The following SMOC1 variants were observed in gnomAD, a reference collection of about 807,000 sequenced individuals.
SMOC1 encodes SPARC related modular calcium binding 1, also known as SPARC-related modular calcium-binding protein 1.
In SMOC1, 22 loss-of-function variants were observed where a neutral mutation model predicts 56.3. The observed-to-expected ratio is 0.39, with a 90% CI of 0.28 to 0.56. The LOEUF (loss-of-function observed/expected upper bound fraction) is 0.56, where lower values mean the gene tolerates loss of function less well. Ranked by LOEUF, SMOC1 falls within the 20% of genes least tolerant of loss-of-function variation. The pLI is 0.61. For missense variants in SMOC1, 509 were observed against 565.4 expected, an observed-to-expected ratio of 0.90 and a Z score of 1.01; for synonymous variants, 193 against 215.0, an observed-to-expected ratio of 0.90 and a Z score of 0.89.
intron 5 of SMOC1, among the ~76,000 whole-genome samples, chr14:69,980,044 C>G (rs1374090233): frequency 6.6e-6 from 1 of 152,120 alleles, no homozygotes; most frequent in East Asian, 1.9e-4. Context: ...ATCCCAGGCT[C>G]TCACTGGTCC....
chr14:69,889,267 C>T (rs1883895934), intron 1 of SMOC1, among the ~76,000 whole-genome samples: 1 of 152,182 alleles, frequency 6.6e-6, no homozygotes, highest in Admixed American at 6.5e-5. Context: ...ATCTCTCCTT[C>T]CTTCCCCATT....
chr14:69,938,885 C>G (rs1217445788), intron 1 of SMOC1, among the ~76,000 whole-genome samples: 1 of 152,202 alleles, frequency 6.6e-6, no homozygotes, highest in Non-Finnish European at 1.5e-5. Context: ...TGGTCCTAGA[C>G]TCTTGAACAA....
At chr14:69,977,297 A>T (rs1883998653) in intron 4 of SMOC1, among the ~76,000 whole-genome samples, 1 of 152,198 alleles carries the variant, frequency 6.6e-6, no homozygotes. Context: ...TGCACAGAGC[A>T]CCCTAGTATA....
chr14:69,898,280 G>T (rs1884148808), intron 1 of SMOC1, among the ~76,000 whole-genome samples: 1 of 151,958 alleles, frequency 6.6e-6, no homozygotes, highest in East Asian at 1.9e-4. Context: ...CAATTACCTG[G>T]CTTAGTGTTC....
At chr14:69,992,603 G>T in intron 6 of SMOC1, 130 bp downstream of exon 6, 1 of 790,608 alleles carries the variant, frequency 1.3e-6, no homozygotes, top group South Asian at 1.6e-5. Context: ...TTTTCCCAGT[G>T]TAAGCTGGGT....
chr14:69,886,861 T>C (rs970264563), intron 1 of SMOC1, among the ~76,000 whole-genome samples: 1 of 152,206 alleles, frequency 6.6e-6, no homozygotes, highest in Non-Finnish European at 1.5e-5. Flanking sequence ...GTGAAATTTA[T>C]AGAAACAAAA....
At chr14:69,994,503 T>C (rs1195730292) in intron 7 of SMOC1, 23 bp downstream of exon 7, 3 of 1,576,182 alleles carry the variant, frequency 1.9e-6, no homozygotes, top group South Asian at 2.2e-5. Flanking sequence ...CCTTGGATTA[T>C]ATATGTACCC....
chr14:69,987,507 G>A (rs987341808), intron 5 of SMOC1, among the ~76,000 whole-genome samples: 3 of 152,174 alleles, frequency 2.0e-5, no homozygotes, highest in Non-Finnish European at 4.4e-5. Flanking sequence ...TAAACTCATT[G>A]TACACCCAAA....
intron 3 of SMOC1, among the ~76,000 whole-genome samples, chr14:69,963,987 A>G (rs1235115827): frequency 2.0e-5 from 3 of 152,226 alleles, no homozygotes; most frequent in African/African-American, 7.2e-5. Flanking sequence ...CTTTGTGCTC[A>G]GAACACTGTC....
chr14:69,983,148 G>T (rs1884240746), intron 5 of SMOC1, among the ~76,000 whole-genome samples: 1 of 152,180 alleles, frequency 6.6e-6, no homozygotes, highest in African/African-American at 2.4e-5. Flanking sequence ...CTGAAGAAAA[G>T]TTTATGCATG....
chr14:69,923,004 G>A (rs950287411), intron 1 of SMOC1, among the ~76,000 whole-genome samples: 11 of 151,332 alleles, frequency 7.3e-5, no homozygotes, highest in African/African-American at 2.0e-4. Flanking sequence ...GAGTGCAGTG[G>A]CATGATCTCG....
intron 6 of SMOC1, 65 bp from the exon 7 acceptor site, chr14:69,994,335 G>T: frequency 7.8e-7 from 1 of 1,280,654 alleles, no homozygotes; most frequent in South Asian, 1.2e-5. Context: ...GAAGTCTGAG[G>T]TTACACTTCC....
chr14:69,933,106 A>G (rs1885209161), intron 1 of SMOC1, among the ~76,000 whole-genome samples: 1 of 152,192 alleles, frequency 6.6e-6, no homozygotes, highest in Admixed American at 6.5e-5. Context: ...CGTTTCACCC[A>G]TAGCAAGCGC....
At position 69,980,099 on chromosome 14, in the gene SMOC1, A is replaced by G. The variant is rs112708191; in HGVS notation, c.526+2134A>G. 1.1e-3 allele frequency among the ~76,000 whole-genome samples: 165 copies of G among 152,308 alleles called. 1 individual carries two copies. Among genetic ancestry groups the G allele is most frequent in the African/African-American group, 3.8e-3 (159 of 41,554 alleles). On this transcript the variant is annotated intron_variant, in intron 5 of 11. Coordinates refer to ENST00000361956, the MANE Select transcript of SMOC1 (RefSeq NM_001034852.3). ...AGGGTGGCTGGGGATGTCAGTTTACAGTCAACAGTGAGCACCCTTTGTTCC... is the reference window on the plus strand; with the variant it reads ...AGGGTGGCTGGGGATGTCAGTTTACGGTCAACAGTGAGCACCCTTTGTTCC...
At chr14:70,020,590 A>C (rs1262751174) in intron 10 of SMOC1, among the ~76,000 whole-genome samples, 1 of 152,138 alleles carries the variant, frequency 6.6e-6, no homozygotes, top group Non-Finnish European at 1.5e-5. Flanking sequence ...AGGGGCTCAG[A>C]GGATCTCTCC....
At chr14:69,928,178 G>C (rs1412356922) in intron 1 of SMOC1, among the ~76,000 whole-genome samples, 1 of 152,234 alleles carries the variant, frequency 6.6e-6, no homozygotes, top group Non-Finnish European at 1.5e-5. Flanking sequence ...CTGGCACCCA[G>C]ATGGCTGATG....
intron 7 of SMOC1, among the ~76,000 whole-genome samples, chr14:69,997,174 A>G (rs749887618): frequency 1.4e-4 from 22 of 152,208 alleles, no homozygotes; most frequent in Non-Finnish European, 2.6e-4. Context: ...GGCCCCTCTC[A>G]TAGTCCAGGC....
rs144062583 is a variant in SMOC1, at chr14:69,977,942, G to C, written c.503G>C (p.Ser168Thr). 15 of 1,613,964 alleles carry C rather than the reference G, an allele frequency of 9.3e-6. No homozygotes were observed. The highest frequency in any genetic ancestry group is 1.2e-5 in the Non-Finnish European group (14 of 1,179,966). ...GGTTCAGTCACCGACAAGCCCTTGA[G>C]CCAGGGTAACTCAGGAAGGAAAGGT... is the stretch of plus-strand genomic sequence containing the variant. The part of the protein sequence containing the change: ...CSGSVTDKPL[S>T]QGNSGRKDDG... Residue 168 changes from serine to threonine, a missense_variant, in exon 5 of 12, where the codon AGC becomes ACC. Ser to Thr is a moderately conservative substitution (Grantham distance 58). Coordinates refer to ENST00000361956, the MANE Select transcript of SMOC1 (RefSeq NM_001034852.3).
chr14:69,988,713 A>G (rs958566730), intron 5 of SMOC1, among the ~76,000 whole-genome samples: 5 of 152,076 alleles, frequency 3.3e-5, no homozygotes, highest in Admixed American at 3.3e-4. Flanking sequence ...TTCTACTCCT[A>G]CCTGTAGCTC....
Sources: gnomAD v4.1 joint callset for allele counts (sites outside exome capture counted in the v4.1 genomes callset) on GRCh38, gnomAD v4.1.1 for gene constraint, MANE v1.5 for transcripts, NCBI Gene and HGNC (gene_info 2026-07-23, HGNC 2026-07-21) for gene names.